SCN3A: variants seen among roughly 807,000 people sequenced by gnomAD.
SCN3A encodes sodium channel protein type 3 subunit alpha.
Under a neutral mutation model 187.6 loss-of-function variants are expected in SCN3A, and 60 were observed. The observed-to-expected ratio is 0.32, with a 90% CI of 0.26 to 0.40. The LOEUF is 0.40. Among genes scored for constraint, SCN3A ranks in the 10% least tolerant of loss-of-function variants. The pLI is 1.00. For missense variants in SCN3A, 1,601 were observed against 2,428.2 expected (o/e 0.66, Z 7.16); for synonymous variants, 788 against 829.2 (o/e 0.95, Z 0.85).
At chr2:165,105,489 G>A (rs779739999) in intron 21 of SCN3A, among the ~76,000 whole-genome samples, 1 of 152,138 alleles carries the variant, frequency 6.6e-6, no homozygotes, top group Non-Finnish European at 1.5e-5. Context: ...TTTCCTATCT[G>A]CTGAGTAGTT....
chr2:165,188,093 G>A (rs1459356321), intron 1 of SCN3A, among the ~76,000 whole-genome samples: 2 of 152,166 alleles, frequency 1.3e-5, no homozygotes, highest in Admixed American at 6.5e-5. Flanking sequence ...GGGATGTGGA[G>A]GGGGATGAGG....
At chr2:165,180,922 A>T (rs557915773) in intron 2 of SCN3A, among the ~76,000 whole-genome samples, 1 of 152,272 alleles carries the variant, frequency 6.6e-6, no homozygotes, top group African/African-American at 2.4e-5. Context: ...ACTTTTGTTT[A>T]TCGGGGGACT....
intron 3 of SCN3A, 138 bp from the exon 4 acceptor site, chr2:165,170,686 T>G: frequency 1.6e-6 from 1 of 624,810 alleles, no homozygotes; most frequent in Non-Finnish European, 2.9e-6. Context: ...ATATCATAAC[T>G]ACAAACATGT....
chr2:165,129,505 T>C (rs545053688), intron 17 of SCN3A, among the ~76,000 whole-genome samples: 1 of 152,342 alleles, frequency 6.6e-6, no homozygotes, highest in Non-Finnish European at 1.5e-5. Flanking sequence ...TGTCTCTAAG[T>C]AAGCAAACTA....
At chr2:165,175,662 G>A (rs1287984663) in intron 3 of SCN3A, among the ~76,000 whole-genome samples, 2 of 152,062 alleles carry the variant, frequency 1.3e-5, no homozygotes, top group Non-Finnish European at 2.9e-5. Context: ...TTCATGTATT[G>A]TCTGGCTACA....
At chr2:165,134,525 A>C (rs1409489079) in intron 15 of SCN3A, among the ~76,000 whole-genome samples, 1 of 152,170 alleles carries the variant, frequency 6.6e-6, no homozygotes, top group Non-Finnish European at 1.5e-5. Flanking sequence ...GGAAATACCC[A>C]TCACAGAAAA....
chr2:165,160,128 C>G (rs1216623726), intron 9 of SCN3A, among the ~76,000 whole-genome samples: 1 of 101,714 alleles, frequency 9.8e-6, no homozygotes, highest in Non-Finnish European at 1.8e-5. Flanking sequence ...AACTCCGTCT[C>G]AAAAAAAAAC....
At chr2:165,132,586 A>G (rs1416725854) in intron 15 of SCN3A, among the ~76,000 whole-genome samples, 4 of 152,228 alleles carry the variant, frequency 2.6e-5, no homozygotes, top group Non-Finnish European at 4.4e-5. Flanking sequence ...ATATGTAGAA[A>G]GCTGAAACTG....
chr2:165,107,311 TATTA>T (rs1039022927), intron 21 of SCN3A, among the ~76,000 whole-genome samples: 1 of 152,150 alleles, frequency 6.6e-6, no homozygotes. Context: ...AAATTTTTCT[TATTA>T]ATTAATTAAT....
At chr2:165,143,439 G>A (rs550598648) in intron 12 of SCN3A, among the ~76,000 whole-genome samples, 33 of 152,246 alleles carry the variant, frequency 2.2e-4, no homozygotes, top group African/African-American at 6.3e-4. Flanking sequence ...TTTCAAAGGC[G>A]TTCCAGATCT....
At chr2:165,138,420 A>G (rs572704020) in intron 14 of SCN3A, among the ~76,000 whole-genome samples, 2 of 152,312 alleles carry the variant, frequency 1.3e-5, no homozygotes, top group South Asian at 4.1e-4. Context: ...TCAAAACAGA[A>G]TTTTAAATAA....
rs191214527 is a variant in SCN3A at position 165,153,475 on chromosome 2, G to A, written c.1380+977C>T. ...CTTTAAATATTTGAGAAGCATATAT[G>A]TGATATAGGACTTACATCCCAAAGA... On this transcript the variant is annotated intron_variant, in intron 11 of 27. Coordinates refer to ENST00000283254, the MANE Select transcript of SCN3A (RefSeq NM_006922.4). 5.0e-4 allele frequency among the ~76,000 whole-genome samples: 76 copies of A among 152,058 alleles called. 1 individual carries two copies. Among genetic ancestry groups the A allele is most frequent in the African/African-American group, 1.5e-3 (61 of 41,508 alleles).
chr2:165,179,365 A>G (rs1690685447), intron 2 of SCN3A, among the ~76,000 whole-genome samples: 1 of 152,132 alleles, frequency 6.6e-6, no homozygotes, highest in Admixed American at 6.6e-5. Flanking sequence ...TTATATTAAT[A>G]CATACATTTT....
intron 1 of SCN3A, among the ~76,000 whole-genome samples, chr2:165,192,422 T>C (rs908016186): frequency 3.9e-5 from 6 of 152,146 alleles, no homozygotes; most frequent in South Asian, 2.1e-4. Flanking sequence ...ATAACAAATA[T>C]ATAAGATAAA....
At chr2:165,192,420 T>A (rs993433487) in intron 1 of SCN3A, among the ~76,000 whole-genome samples, 2 of 152,110 alleles carry the variant, frequency 1.3e-5, no homozygotes, top group Non-Finnish European at 2.9e-5. Flanking sequence ...TCATAACAAA[T>A]ATATAAGATA....
rs1054119889 is a variant in SCN3A at position 165,131,390 on chromosome 2, T to C, written c.2419A>G (p.Met807Val). 2 of 1,605,030 alleles carry C rather than the reference T, an allele frequency of 1.2e-6. No homozygotes were observed. Among genetic ancestry groups the C allele is most frequent in the Non-Finnish European group, 8.5e-7 (1 of 1,174,520 alleles). The change falls in exon 16 of 28, where the codon ATG (methionine) becomes GTG (valine). Residue 807 changes from methionine (M) to valine (V), a missense_variant. By Grantham distance (21) the Met-to-Val change is conservative. Around this residue, in one of 11 missense-constraint regions of SCN3A, gnomAD observed 376 missense variants for 476.0 expected, o/e 0.79. Coordinates refer to ENST00000283254, the MANE Select transcript of SCN3A (RefSeq NM_006922.4). ...LVFTGIFTAEMVLKIIAMDPY... is the reference protein window; with the variant it reads ...LVFTGIFTAEVVLKIIAMDPY... Reference sequence around the variant, plus strand: ...TCCATGGCAATGATCTTGAGAACCATTTCTGCTGTGAAAATCCCAGTAAAG... The same window carrying C: ...TCCATGGCAATGATCTTGAGAACCACTTCTGCTGTGAAAATCCCAGTAAAG...
At chr2:165,110,327 T>A (rs1331798287) in intron 21 of SCN3A, among the ~76,000 whole-genome samples, 3 of 152,238 alleles carry the variant, frequency 2.0e-5, no homozygotes, top group Non-Finnish European at 4.4e-5. Context: ...GAATGAATTT[T>A]AGGAAATTAC....
At chr2:165,153,814 ATT>A (rs1013398926) in intron 11 of SCN3A, among the ~76,000 whole-genome samples, 1 of 151,100 alleles carries the variant, frequency 6.6e-6, no homozygotes, top group African/African-American at 2.4e-5. Flanking sequence ...CAGTATATGG[ATT>A]TTTTTTTCTG....
At chr2:165,196,419 G>A (rs576726270) in intron 1 of SCN3A, among the ~76,000 whole-genome samples, 1 of 152,170 alleles carries the variant, frequency 6.6e-6, no homozygotes, top group African/African-American at 2.4e-5. Flanking sequence ...GACCACGTTG[G>A]CAGAATGTTA....
Sources: gnomAD v4.1 joint callset for allele counts (sites outside exome capture counted in the v4.1 genomes callset) on GRCh38, gnomAD v4.1.1 for gene constraint, gnomAD v4.1.1 regional missense constraint, MANE v1.5 for transcripts, NCBI Gene and HGNC (gene_info 2026-07-23, HGNC 2026-07-21) for gene names.